Variants in FOXP1 observed in about 807,000 individuals in gnomAD.
The protein encoded by FOXP1 is forkhead box P1.
Under a neutral mutation model 98.2 loss-of-function variants are expected in FOXP1, and 15 were observed. The ratio of observed to expected loss-of-function variants is 0.15; its 90% CI spans 0.10 to 0.24. The LOEUF (loss-of-function observed/expected upper bound fraction) is 0.24. FOXP1 is among the 10% of genes least tolerant of loss of function. The pLI is 1.00. For synonymous variants in FOXP1, 371 were observed against 314.5 expected (o/e 1.18, Z -1.90); for missense variants, 633 against 848.5 (o/e 0.75, Z 3.15).
chr3:71,270,729 C>A (rs762541603), intron 5 of FOXP1, among the ~76,000 whole-genome samples: 15 of 152,080 alleles, frequency 9.9e-5, no homozygotes, highest in Admixed American at 2.0e-4. Context: ...CAGATCAGGC[C>A]CTCAAAAAGT....
intron 3 of FOXP1, among the ~76,000 whole-genome samples, chr3:71,420,640 C>T (rs866392566): frequency 6.6e-6 from 1 of 152,092 alleles, no homozygotes; most frequent in Admixed American, 6.5e-5. Context: ...ATCAGCAAAG[C>T]AAGCAAAAGG....
intron 2 of FOXP1, chr3:71,572,974 G>C (rs1437765723): frequency 6.6e-6 from 1 of 152,078 alleles, no homozygotes; most frequent in Non-Finnish European, 1.5e-5. Flanking sequence ...TGAGACCAAG[G>C]CATCACACTC....
rs1354388287 is a variant in FOXP1, at chr3:71,193,488, G to A, written c.180+4714C>T. ...TTTTTAGACATATTCTCACTTTGTC[G>A]CCCAGGCTGGAGTGCAGTGGTGCAA... is the stretch of plus-strand genomic sequence containing the variant. On this transcript the variant is annotated intron_variant, in intron 6 of 20. Coordinates refer to ENST00000649528, the MANE Select transcript of FOXP1 (RefSeq NM_001349338.3). Among the ~76,000 whole-genome samples, 50 of 140,932 alleles carry A rather than the reference G, an allele frequency of 3.5e-4. 7 individuals carry two copies. The highest frequency in any genetic ancestry group is 2.2e-4 in the African/African-American group (8 of 36,506). 92.5% of individuals were successfully genotyped at this position (140,932 alleles called of 152,430 possible). A position where few individuals can be genotyped will look rare whatever the true frequency, so the allele number is the denominator to read the frequency against.
intron 2 of FOXP1, among the ~76,000 whole-genome samples, chr3:71,516,385 G>A (rs565746435): frequency 2.2e-4 from 34 of 152,224 alleles, no homozygotes; most frequent in East Asian, 3.9e-4. Flanking sequence ...GGTAAATCTC[G>A]CTAAAAGGCA....
intron 5 of FOXP1, among the ~76,000 whole-genome samples, chr3:71,286,451 T>C (rs950869720): frequency 1.3e-5 from 2 of 152,194 alleles, no homozygotes; most frequent in Non-Finnish European, 2.9e-5. Flanking sequence ...TTTCATACTC[T>C]AAAAGCTGTA....
At chr3:71,079,255 C>A (rs188212794) in intron 7 of FOXP1, among the ~76,000 whole-genome samples, 1 of 152,096 alleles carries the variant, frequency 6.6e-6, no homozygotes, top group Non-Finnish European at 1.5e-5. Context: ...TTTGCCCCTG[C>A]CCCCCACCTA....
At chr3:71,129,771 G>T (rs557063369) in intron 6 of FOXP1, among the ~76,000 whole-genome samples, 1 of 152,270 alleles carries the variant, frequency 6.6e-6, no homozygotes, top group Admixed American at 6.5e-5. Flanking sequence ...TAAGAGAGCC[G>T]TTAGATTGCT....
chr3:71,199,878 C>T (rs912021503), intron 5 of FOXP1, among the ~76,000 whole-genome samples: 17 of 151,894 alleles, frequency 1.1e-4, no homozygotes, highest in Admixed American at 7.9e-4. Flanking sequence ...GAGTTCAAGA[C>T]CAGCCTGGCC....
chr3:71,505,587 G>A (rs1262891985), intron 2 of FOXP1, among the ~76,000 whole-genome samples: 9 of 151,934 alleles, frequency 5.9e-5, no homozygotes, highest in East Asian at 3.9e-4. Context: ...CGCCACGCCC[G>A]GCTAAATTTT....
chr3:70,973,777 G>A (rs1429665686), intron 17 of FOXP1, among the ~76,000 whole-genome samples: 2 of 151,300 alleles, frequency 1.3e-5, no homozygotes, highest in Admixed American at 1.3e-4. Flanking sequence ...ACATCACACT[G>A]GGTAAAGTCC....
intron 3 of FOXP1, among the ~76,000 whole-genome samples, chr3:71,477,837 A>G (rs970950612): frequency 6.6e-6 from 1 of 152,238 alleles, no homozygotes; most frequent in Non-Finnish European, 1.5e-5. Context: ...ACTGAAATAG[A>G]TCTTCAGAAT....
intron 3 of FOXP1, among the ~76,000 whole-genome samples, chr3:71,366,115 T>C (rs1198055742): frequency 1.3e-5 from 2 of 152,216 alleles, no homozygotes; most frequent in Non-Finnish European, 2.9e-5. Context: ...GGATGTACAA[T>C]TATTGTAATG....
chr3:71,412,499 A>T (rs2082829409), intron 3 of FOXP1, among the ~76,000 whole-genome samples: 1 of 152,184 alleles, frequency 6.6e-6, no homozygotes, highest in African/African-American at 2.4e-5. Context: ...AGTGGGCCAG[A>T]CTAGGGACTA....
At chr3:71,539,210 C>A (rs2044578455) in intron 2 of FOXP1, among the ~76,000 whole-genome samples, 1 of 150,050 alleles carries the variant, frequency 6.7e-6, no homozygotes, top group Non-Finnish European at 1.5e-5. Flanking sequence ...CTCCCGGGTT[C>A]ACGCCATTCT....
At chr3:70,973,855 C>G (rs2036923314) in intron 17 of FOXP1, among the ~76,000 whole-genome samples, 1 of 127,132 alleles carries the variant, frequency 7.9e-6, no homozygotes, top group Non-Finnish European at 1.7e-5. Context: ...CCCCACCCCC[C>G]AACACATCCC....
At chr3:71,307,313 A>T (rs577329609) in intron 4 of FOXP1, among the ~76,000 whole-genome samples, 2 of 152,348 alleles carry the variant, frequency 1.3e-5, no homozygotes, top group East Asian at 3.9e-4. Context: ...ATTTTAATTT[A>T]TTAACACAAA....
chr3:71,419,762 T>C (rs2083485839), intron 3 of FOXP1, among the ~76,000 whole-genome samples: 1 of 152,148 alleles, frequency 6.6e-6, no homozygotes, highest in Non-Finnish European at 1.5e-5. Flanking sequence ...TACATGTACA[T>C]ACACATACAT....
intron 13 of FOXP1, among the ~76,000 whole-genome samples, chr3:70,999,339 T>A (rs537457074): frequency 7.9e-5 from 12 of 152,150 alleles, no homozygotes; most frequent in Admixed American, 2.0e-4. Context: ...CCACCCGCCT[T>A]GGCCTCCCAA....
At chr3:71,245,211 T>C (rs2067636731) in intron 5 of FOXP1, 1 of 152,226 alleles carries the variant, frequency 6.6e-6, no homozygotes, top group Non-Finnish European at 1.5e-5. Context: ...TCTCAACCCC[T>C]GGCTTGGCCT....
Sources: gnomAD v4.1 joint callset for allele counts (sites outside exome capture counted in the v4.1 genomes callset) on GRCh38, gnomAD v4.1.1 for gene constraint, MANE v1.5 for transcripts, NCBI Gene and HGNC (gene_info 2026-07-23, HGNC 2026-07-21) for gene names.